Variants in RGS6 observed in about 807,000 individuals in gnomAD.
The protein encoded by RGS6 is regulator of G protein signaling 6.
RGS6 carries 30 observed loss-of-function variants against 78.5 expected under a neutral mutation model. That is an observed-to-expected ratio of 0.38 (90% confidence interval 0.29 to 0.52). The LOEUF is 0.52. RGS6 is among the 20% of genes least tolerant of loss of function. The pLI is 0.85. For missense variants in RGS6, 495 were observed against 609.7 expected (o/e 0.81, Z 1.98); for synonymous variants, 206 against 206.0 (o/e 1.00, Z 0.00).
chr14:72,254,281 T>C (rs2056562234), intron 2 of RGS6, among the ~76,000 whole-genome samples: 1 of 152,200 alleles, frequency 6.6e-6, no homozygotes, highest in South Asian at 2.1e-4. Flanking sequence ...TTCTCCCTGG[T>C]GTGTAAGGGT....
chr14:72,408,480 C>G (rs949350436), intron 3 of RGS6, among the ~76,000 whole-genome samples: 2 of 152,192 alleles, frequency 1.3e-5, no homozygotes, highest in Admixed American at 1.3e-4. Flanking sequence ...CATCACTTGA[C>G]TTTAAATGTT....
intron 2 of RGS6, among the ~76,000 whole-genome samples, chr14:72,006,844 A>G (rs1003963282): frequency 5.9e-5 from 9 of 152,218 alleles, no homozygotes; most frequent in Admixed American, 5.9e-4. Context: ...AGGACTTTGA[A>G]CGAGGCAGCG....
chr14:72,063,136 T>C (rs2093974460), intron 2 of RGS6, among the ~76,000 whole-genome samples: 1 of 152,012 alleles, frequency 6.6e-6, no homozygotes, highest in Admixed American at 6.6e-5. Flanking sequence ...ATGAAATTCT[T>C]GAGGAAAGGA....
At chr14:72,321,715 A>G (rs1347702948) in intron 2 of RGS6, among the ~76,000 whole-genome samples, 2 of 152,028 alleles carry the variant, frequency 1.3e-5, no homozygotes, top group African/African-American at 2.4e-5. Context: ...ACTACCAAAA[A>G]GATAAGGAAA....
intron 2 of RGS6, among the ~76,000 whole-genome samples, chr14:72,162,581 T>C (rs758598836): frequency 1.3e-5 from 2 of 152,218 alleles, no homozygotes; most frequent in Non-Finnish European, 2.9e-5. Context: ...TCTCATGTTA[T>C]TGAGCTTTGC....
chr14:72,068,137 A>ATTT (rs10691175), intron 2 of RGS6, among the ~76,000 whole-genome samples: 78,525 of 145,372 alleles, frequency 0.54, 21,324 homozygotes, highest in East Asian at 0.72. Flanking sequence ...GTATGTATGT[A>ATTT]TTTTTTTTTT....
intron 2 of RGS6, among the ~76,000 whole-genome samples, chr14:72,025,624 ATCC>A (rs774273760): frequency 3.9e-5 from 6 of 152,092 alleles, no homozygotes; most frequent in Non-Finnish European, 7.4e-5. Context: ...AAGTCTGATC[ATCC>A]TCTTTTTATG....
At chr14:72,373,355 CA>C (rs2083910641) in intron 3 of RGS6, among the ~76,000 whole-genome samples, 1 of 152,104 alleles carries the variant, frequency 6.6e-6, no homozygotes, top group African/African-American at 2.4e-5. Context: ...GTCATACAGC[CA>C]AATATTGTTC....
intron 2 of RGS6, among the ~76,000 whole-genome samples, chr14:72,350,712 C>T (rs1230940399): frequency 1.3e-5 from 2 of 152,172 alleles, no homozygotes; most frequent in Non-Finnish European, 2.9e-5. Context: ...AACCTTTGTG[C>T]TAAGCCACTG....
chr14:71,937,824 A>G (rs2089759788), intron 1 of RGS6, among the ~76,000 whole-genome samples: 1 of 152,226 alleles, frequency 6.6e-6, no homozygotes, highest in Admixed American at 6.5e-5. Flanking sequence ...TGCCCTTTCC[A>G]TGATGGAAGA....
At chr14:72,607,038 C>T in the RGS6 span, among the ~76,000 whole-genome samples, 82 of 152,252 alleles carry the variant, frequency 5.4e-4, no homozygotes, top group African/African-American at 1.8e-3. Flanking sequence ...CAGGCATATC[C>T]TTTAGTAACA....
chr14:72,177,685 C>T (rs1380071806), intron 2 of RGS6, among the ~76,000 whole-genome samples: 1 of 152,124 alleles, frequency 6.6e-6, no homozygotes, highest in African/African-American at 2.4e-5. Flanking sequence ...ATCTTATTGT[C>T]TCATTTATAA....
intron 2 of RGS6, among the ~76,000 whole-genome samples, chr14:72,201,865 G>T (rs2041657419): frequency 6.6e-6 from 1 of 152,186 alleles, no homozygotes; most frequent in South Asian, 2.1e-4. Context: ...GACAGAGGTT[G>T]TGTGTGGCCA....
chr14:72,259,024 T>A (rs1229757192), intron 2 of RGS6, among the ~76,000 whole-genome samples: 2 of 152,108 alleles, frequency 1.3e-5, no homozygotes, highest in Non-Finnish European at 2.9e-5. Flanking sequence ...ATATTCCTTT[T>A]CCTAGTAACT....
At chr14:72,253,723 T>A (rs890267240) in intron 2 of RGS6, among the ~76,000 whole-genome samples, 3 of 152,208 alleles carry the variant, frequency 2.0e-5, no homozygotes, top group Admixed American at 2.0e-4. Context: ...GTGGTGTAAG[T>A]GGTGGCTACT....
At chr14:72,394,709 G>T (rs906697097) in intron 3 of RGS6, among the ~76,000 whole-genome samples, 5 of 152,174 alleles carry the variant, frequency 3.3e-5, no homozygotes, top group African/African-American at 9.6e-5. Flanking sequence ...ATTTCCTATT[G>T]TTTAAACAAT....
the RGS6 span, among the ~76,000 whole-genome samples, chr14:71,911,221 C>A: frequency 2.6e-5 from 4 of 152,146 alleles, no homozygotes; most frequent in Non-Finnish European, 4.4e-5. Context: ...CACTGCCTGT[C>A]TTCTGACCAC....
chr14:72,582,374 A>G, the RGS6 span, among the ~76,000 whole-genome samples: 139 of 152,278 alleles, frequency 9.1e-4, 1 homozygote, highest in African/African-American at 3.2e-3. Flanking sequence ...TATCCCCTGT[A>G]TCTATTATAA....
chr14:72,256,321 A>G (rs1219888089), intron 2 of RGS6, among the ~76,000 whole-genome samples: 2 of 152,194 alleles, frequency 1.3e-5, no homozygotes, highest in Non-Finnish European at 2.9e-5. Flanking sequence ...GGTGTGAGTC[A>G]TGGGTCCAGG....
Sources: allele counts gnomAD v4.1 joint callset (sites outside exome capture counted in the v4.1 genomes callset), GRCh38; gene constraint gnomAD v4.1.1; transcripts MANE v1.5; gene names NCBI Gene and HGNC (gene_info 2026-07-23, HGNC 2026-07-21).